The following PTPRD variants were observed in gnomAD, a reference collection of about 807,000 sequenced individuals.
The protein encoded by PTPRD is receptor-type tyrosine-protein phosphatase delta.
Under a neutral mutation model 214.5 loss-of-function variants are expected in PTPRD, and 34 were observed. The ratio of observed to expected loss-of-function variants is 0.16; its 90% CI spans 0.12 to 0.21. The LOEUF (loss-of-function observed/expected upper bound fraction) is 0.21, where lower values mean the gene tolerates loss of function less well. PTPRD is among the 10% of genes least tolerant of loss of function. PTPRD has a pLI of 1.00. For synonymous variants in PTPRD, 1,128 were observed against 845.7 expected, an observed-to-expected ratio of 1.33 and a Z score of -5.79; for missense variants, 2,545 against 2,398.7, an observed-to-expected ratio of 1.06 and a Z score of -1.27.
chr9:8,673,543 A>G lies in PTPRD; in HGVS notation c.65-36699T>C, dbSNP rs1055729440. Reference sequence around the variant, plus strand: ...CTCTCTTAAGCCTTCCAGATAACAGACAGCTGGGTAATGGTTACTAAGATG... The same window carrying G: ...CTCTCTTAAGCCTTCCAGATAACAGGCAGCTGGGTAATGGTTACTAAGATG... On this transcript the variant is annotated intron_variant, in intron 12 of 45. Coordinates refer to ENST00000381196, the MANE Select transcript of PTPRD (RefSeq NM_002839.4). Among the ~76,000 whole-genome samples the G allele has an allele frequency of 3.3e-5, 5 of 152,272 alleles. No homozygotes were observed. In the East Asian group the frequency reaches 9.7e-4, roughly 29 times the overall value.
chr9:9,184,781 C>T (rs56190819), intron 9 of PTPRD, among the ~76,000 whole-genome samples: 1 of 152,006 alleles, frequency 6.6e-6, no homozygotes, highest in Admixed American at 6.6e-5. Flanking sequence ...CATATACTTA[C>T]CATCCCTCTC....
chr9:8,330,010 A>C (rs1838296572), intron 44 of PTPRD, among the ~76,000 whole-genome samples: 1 of 151,830 alleles, frequency 6.6e-6, no homozygotes, highest in Non-Finnish European at 1.5e-5. Context: ...CAAGCCAGGC[A>C]CTGGAGGGAA....
intron 2 of PTPRD, among the ~76,000 whole-genome samples, chr9:10,598,066 T>C (rs1408529450): frequency 6.6e-6 from 1 of 151,796 alleles, no homozygotes; most frequent in African/African-American, 2.4e-5. Flanking sequence ...GATATTCTTA[T>C]TGGACAATTG....
chr9:8,833,383 G>C (rs930194434), intron 11 of PTPRD, among the ~76,000 whole-genome samples: 1 of 152,030 alleles, frequency 6.6e-6, no homozygotes, highest in Non-Finnish European at 1.5e-5. Flanking sequence ...AGAAAGAATA[G>C]AGTCCAGTAA....
intron 14 of PTPRD, among the ~76,000 whole-genome samples, chr9:8,598,902 T>C (rs928868096): frequency 6.6e-5 from 10 of 152,212 alleles, no homozygotes; most frequent in Non-Finnish European, 1.2e-4. Flanking sequence ...ACAGAGTGTA[T>C]AGAGTTCTGC....
chr9:10,050,774 G>A (rs952767888), intron 3 of PTPRD, among the ~76,000 whole-genome samples: 2 of 151,352 alleles, frequency 1.3e-5, no homozygotes, highest in African/African-American at 2.4e-5. Flanking sequence ...TTATTTTATC[G>A]TATCTTTCAT....
intron 2 of PTPRD, among the ~76,000 whole-genome samples, chr9:10,348,092 A>C (rs10959063): frequency 0.12 from 18,579 of 152,138 alleles, 1,585 homozygotes; most frequent in Admixed American, 0.25. Flanking sequence ...CTTGTGAACT[A>C]TAGTCACACT....
intron 7 of PTPRD, among the ~76,000 whole-genome samples, chr9:9,657,848 C>T (rs1052499226): frequency 2.0e-5 from 3 of 152,138 alleles, no homozygotes; most frequent in Non-Finnish European, 4.4e-5. Flanking sequence ...TGGACAAAAC[C>T]TCCATAAGTA....
chr9:10,116,440 G>GT (rs1237910666), intron 3 of PTPRD, among the ~76,000 whole-genome samples: 1 of 151,916 alleles, frequency 6.6e-6, no homozygotes, highest in Non-Finnish European at 1.5e-5. Context: ...AGATATTTTC[G>GT]TATCAATTAA....
chr9:10,193,084 C>A (rs926765729), intron 3 of PTPRD, among the ~76,000 whole-genome samples: 23 of 152,086 alleles, frequency 1.5e-4, no homozygotes, highest in Admixed American at 3.3e-4. Flanking sequence ...CCAAAAATAG[C>A]TTTGTCAATT....
At chr9:8,705,314 G>C (rs909678563) in intron 12 of PTPRD, among the ~76,000 whole-genome samples, 5 of 152,036 alleles carry the variant, frequency 3.3e-5, no homozygotes, top group Non-Finnish European at 5.9e-5. Context: ...TCCGCCTCTG[G>C]GATTCTGTGA....
Position 9,200,536 on chromosome 9 carries a change from T to G in PTPRD, c.-202-17173A>C, listed in dbSNP as rs151260242. 2.0e-3 allele frequency among the ~76,000 whole-genome samples: 311 copies of G among 152,326 alleles called. 2 individuals are homozygous for G. The highest frequency in any genetic ancestry group is 6.9e-3 in the African/African-American group (287 of 41,574). ...TTAATCCTACAACCCTCTCACTTTA[T>G]AGATTAAGGACCCAACACTCAGAGA... On this transcript the variant is annotated intron_variant, in intron 9 of 45. Transcript: ENST00000381196.
At chr9:8,634,240 TAAAAAA>T (rs59879265) in intron 13 of PTPRD, among the ~76,000 whole-genome samples, 1 of 144,312 alleles carries the variant, frequency 6.9e-6, no homozygotes, top group Non-Finnish European at 1.5e-5. Flanking sequence ...AAGTACCACT[TAAAAAA>T]AAAAAAGATG....
intron 21 of PTPRD, among the ~76,000 whole-genome samples, chr9:8,511,349 G>A (rs780239811): frequency 6.6e-6 from 1 of 152,166 alleles, no homozygotes; most frequent in South Asian, 2.1e-4. Context: ...GAGAGTATGG[G>A]TGTGAGCCAC....
At chr9:8,941,691 G>C (rs765991262) in intron 11 of PTPRD, among the ~76,000 whole-genome samples, 106 of 152,172 alleles carry the variant, frequency 7.0e-4, no homozygotes, top group Non-Finnish European at 1.2e-3. Flanking sequence ...CTGTCAGTGA[G>C]TTAAAGTGGC....
chr9:8,503,442 T>C (rs1018310783), intron 23 of PTPRD, among the ~76,000 whole-genome samples: 2 of 152,076 alleles, frequency 1.3e-5, no homozygotes, highest in African/African-American at 4.8e-5. Flanking sequence ...TCAAGGTAAA[T>C]AGTATTTTTT....
chr9:10,230,421 T>C (rs970298361), intron 3 of PTPRD, among the ~76,000 whole-genome samples: 2 of 127,736 alleles, frequency 1.6e-5, no homozygotes, highest in Non-Finnish European at 3.3e-5. Context: ...TCTATCTATG[T>C]ATCTATGTAT....
At chr9:8,791,193 T>C (rs535071022) in intron 11 of PTPRD, among the ~76,000 whole-genome samples, 1 of 152,250 alleles carries the variant, frequency 6.6e-6, no homozygotes. Context: ...GTAGAAAGAA[T>C]ACAATGCAGA....
At chr9:9,478,587 C>T (rs1185587706) in intron 8 of PTPRD, among the ~76,000 whole-genome samples, 2 of 152,136 alleles carry the variant, frequency 1.3e-5, no homozygotes, top group East Asian at 3.8e-4. Flanking sequence ...TTAGATCTAA[C>T]CATTTATTTC....
Sources: gnomAD v4.1 joint callset for allele counts (sites outside exome capture counted in the v4.1 genomes callset) on GRCh38, gnomAD v4.1.1 for gene constraint, MANE v1.5 for transcripts, NCBI Gene and HGNC (gene_info 2026-07-23, HGNC 2026-07-21) for gene names.